Variants in ADGRE3 observed in about 807,000 individuals in gnomAD.
The protein encoded by ADGRE3 is EGF-like module receptor 3.
A neutral mutation model predicts 80.1 loss-of-function variants in ADGRE3; 88 were observed. The ratio of observed to expected loss-of-function variants is 1.10; its 90% confidence interval spans 0.93 to 1.31. The LOEUF (loss-of-function observed/expected upper bound fraction) is 1.31. ADGRE3 is among the 40% of genes most tolerant of loss of function. The probability of loss-of-function intolerance (pLI) is 0.00; values close to 1 mark genes in which losing one functional copy is unlikely to be tolerated. For synonymous variants in ADGRE3, 281 were observed against 294.8 expected (o/e 0.95, Z 0.48); for missense variants, 715 against 776.5 (o/e 0.92, Z 0.94).
the ADGRE3 span, among the ~76,000 whole-genome samples, chr19:14,608,705 C>T: frequency 6.8e-6 from 1 of 147,296 alleles, no homozygotes; most frequent in East Asian, 2.0e-4. Context: ...GCAGTCTTGA[C>T]CCAATGCAAC....
chr19:14,658,984 C>T (rs141951397), intron 4 of ADGRE3, among the ~76,000 whole-genome samples: 3,771 of 151,424 alleles, frequency 0.025, 183 homozygotes, highest in African/African-American at 0.087. Flanking sequence ...CCGCCTGCCT[C>T]GGCCTCCCAA....
At chr19:14,656,179 C>G (rs1273791196) in intron 5 of ADGRE3, among the ~76,000 whole-genome samples, 1 of 151,774 alleles carries the variant, frequency 6.6e-6, no homozygotes, top group Non-Finnish European at 1.5e-5. Context: ...AACCCCATCT[C>G]TACTGAAAAT....
chr19:14,614,436 A>G (rs1285165864), downstream of ADGRE3, among the ~76,000 whole-genome samples: 1 of 152,144 alleles, frequency 6.6e-6, no homozygotes, highest in Non-Finnish European at 1.5e-5. Context: ...ACTTTTTACC[A>G]CTTTAGGTCC....
intron 6 of ADGRE3, among the ~76,000 whole-genome samples, chr19:14,653,965 T>A (rs1365497622): frequency 6.6e-6 from 1 of 150,618 alleles, no homozygotes; most frequent in Non-Finnish European, 1.5e-5. Context: ...TTTTTTTTTT[T>A]AATTTAAGAT....
chr19:14,610,371 G>A, the ADGRE3 span: 4 of 855,208 alleles, frequency 4.7e-6, no homozygotes, highest in African/African-American at 3.4e-5. Context: ...TGTTTCTAGA[G>A]TGAGGACTTG....
intron 11 of ADGRE3, 143 bp from the exon 12 acceptor site, chr19:14,633,445 G>A (rs1045167054): frequency 2.7e-5 from 15 of 547,830 alleles, no homozygotes; most frequent in East Asian, 2.0e-4. Context: ...GGTGGCTCAC[G>A]CCTGTAATCC....
At chr19:14,629,833 C>T (rs892855540) in intron 14 of ADGRE3, among the ~76,000 whole-genome samples, 1 of 151,946 alleles carries the variant, frequency 6.6e-6, no homozygotes. Context: ...TTTGACATAG[C>T]AATTATTTAT....
chr19:14,607,450 G>A, the ADGRE3 span, among the ~76,000 whole-genome samples: 946 of 151,804 alleles, frequency 6.2e-3, 5 homozygotes, highest in Non-Finnish European at 0.011. Context: ...TGATCTGCCC[G>A]CCTTGGCCTC....
At chr19:14,647,029 G>C (rs1363838023) in intron 8 of ADGRE3, 152 bp downstream of exon 8, 4 of 618,438 alleles carry the variant, frequency 6.5e-6, no homozygotes, top group Non-Finnish European at 1.2e-5. Flanking sequence ...TCTCGATTCA[G>C]ACCAGCTACA....
chr19:14,625,678 G>C (rs955666697), intron 14 of ADGRE3, 79 bp from the exon 15 acceptor site: 2 of 787,466 alleles, frequency 2.5e-6, no homozygotes, highest in East Asian at 4.9e-5. Context: ...TCAGGAAGAG[G>C]ATAGAGATGT....
chr19:14,631,263 G>T (rs1333974358), intron 13 of ADGRE3, among the ~76,000 whole-genome samples: 2 of 152,020 alleles, frequency 1.3e-5, no homozygotes, highest in East Asian at 3.9e-4. Context: ...AAATGTTTGA[G>T]GTGATGAGTA....
At chr19:14,637,005 A>G (rs1971108725) in intron 11 of ADGRE3, among the ~76,000 whole-genome samples, 1 of 152,098 alleles carries the variant, frequency 6.6e-6, no homozygotes, top group Non-Finnish European at 1.5e-5. Flanking sequence ...GAGGCAGGAG[A>G]ATCGCTTGAA....
the ADGRE3 span, among the ~76,000 whole-genome samples, chr19:14,609,771 G>A: frequency 1.3e-5 from 2 of 152,002 alleles, no homozygotes; most frequent in African/African-American, 4.8e-5. Flanking sequence ...CCAGGAGACA[G>A]AGGTTGCAGT....
chr19:14,601,861 C>T, the ADGRE3 span, among the ~76,000 whole-genome samples: 5 of 151,938 alleles, frequency 3.3e-5, no homozygotes, highest in Admixed American at 6.6e-5. Context: ...GGCGCGATCT[C>T]GGCTCACTGC....
chr19:14,651,845 C>T (rs1033816156), intron 6 of ADGRE3, among the ~76,000 whole-genome samples: 1 of 152,064 alleles, frequency 6.6e-6, no homozygotes, highest in African/African-American at 2.4e-5. Context: ...AGTTCAAGAC[C>T]AGCCTGGCCA....
downstream of ADGRE3, among the ~76,000 whole-genome samples, chr19:14,614,658 C>T (rs1484430721): frequency 6.6e-6 from 1 of 150,790 alleles, no homozygotes; most frequent in Non-Finnish European, 1.5e-5. Context: ...CTCACTGCAA[C>T]CTTTGCCTCC....
chr19:14,609,955 G>A, the ADGRE3 span: 7 of 776,410 alleles, frequency 9.0e-6, no homozygotes, highest in Non-Finnish European at 1.3e-5. Context: ...GGCCTAATAT[G>A]GGTTTTGCCA....
intron 13 of ADGRE3, 101 bp from the exon 14 acceptor site, chr19:14,630,308 A>G: frequency 1.0e-6 from 1 of 959,684 alleles, no homozygotes; most frequent in Non-Finnish European, 1.4e-6. Context: ...GAGCTAGACT[A>G]CCTGAGTTTA....
chr19:14,635,610 A>G (rs1971015914), intron 11 of ADGRE3, among the ~76,000 whole-genome samples: 1 of 149,506 alleles, frequency 6.7e-6, no homozygotes, highest in Non-Finnish European at 1.5e-5. Context: ...ACGGGGTTTC[A>G]CTGTGTTGGC....
Sources: allele counts gnomAD v4.1 joint callset (sites outside exome capture counted in the v4.1 genomes callset), GRCh38; gene constraint gnomAD v4.1.1; transcripts MANE v1.5; gene names NCBI Gene and HGNC (gene_info 2026-07-23, HGNC 2026-07-21).